The following EPHA5 variants were observed in gnomAD, a reference collection of about 807,000 sequenced individuals.
The protein encoded by EPHA5 is EPH receptor A5.
In EPHA5, 60 loss-of-function variants were observed where a neutral mutation model predicts 105.0. The observed-to-expected ratio is 0.57, with a 90% CI of 0.46 to 0.71. The LOEUF is 0.71. Ranked by LOEUF, EPHA5 falls within the 30% of genes least tolerant of loss-of-function variation. EPHA5 has a pLI of 0.00. For missense variants in EPHA5, 1,218 were observed against 1,274.7 expected (o/e 0.96, Z 0.68); for synonymous variants, 513 against 449.1 (o/e 1.14, Z -1.80).
In EPHA5 at chr4:65,320,014, C is replaced by A. The variant is rs1287120402; in HGVS notation, c.*4100G>T. 1 of 229,988 alleles carries A rather than the reference C, an allele frequency of 4.3e-6. No individual in the cohort carries two copies. Among genetic ancestry groups the A allele is most frequent in the African/African-American group, 2.2e-5 (1 of 45,128 alleles). The allele number at this position is 229,988 out of a possible 1,614,324, so 14.2% of individuals were successfully genotyped here. A position where few individuals can be genotyped will look rare whatever the true frequency, so the allele number is the denominator to read the frequency against. The stretch of plus-strand genomic sequence containing the variant: ...TCCATTAACGTTTAGAAGAAACAAA[C>A]AACATTTGATTCTGATTATTATAAA... On this transcript the variant is annotated 3_prime_UTR_variant, in exon 17 of 17. Coordinates refer to ENST00000613740, the MANE Select transcript of EPHA5 (RefSeq NM_001281766.3).
rs1173833479 is a variant in EPHA5, at chr4:65,365,950, C to A, written c.1969G>T (p.Glu657Ter). 6.2e-7 allele frequency: 1 copy of A among 1,608,064 alleles called. No individual in the cohort carries two copies. The highest frequency in any genetic ancestry group is 8.5e-7 in the Non-Finnish European group (1 of 1,175,800). ...GTCGTACCTGCTCCAATAACTCTCT[C>A]AATGGTGATACATGATGCTTCTATC... ...KEIEASCITI[E>*]RVIGAGEFGE... Residue 657 changes from glutamate to a stop codon, truncating the protein, a stop_gained, in exon 10 of 17, where the codon GAG becomes TAG. Transcript: ENST00000613740. LOFTEE classifies it high-confidence loss of function.
At position 65,533,324 on chromosome 4, in the gene EPHA5, A is replaced by C. The variant is rs962075926; in HGVS notation, c.911-37781T>G. On this transcript the variant is annotated intron_variant, in intron 3 of 16. Coordinates refer to ENST00000613740, the MANE Select transcript of EPHA5 (RefSeq NM_001281766.3). ...ACTTCTACATAGAATGCTGAAATTT[A>C]TAAAACCATTTTTTTGTGCCATGAC... Among the ~76,000 whole-genome samples, 5 of 152,150 alleles carry C rather than the reference A, an allele frequency of 3.3e-5. No homozygotes were observed. In the East Asian group the frequency reaches 9.6e-4, roughly 29 times the overall value.
intron 4 of EPHA5, among the ~76,000 whole-genome samples, chr4:65,492,869 T>A (rs1029966314): frequency 2.0e-5 from 3 of 152,178 alleles, no homozygotes; most frequent in African/African-American, 7.2e-5. Context: ...TACTATAAAC[T>A]TTAGCTTATT....
At chr4:65,421,519 C>T (rs914500947) in intron 5 of EPHA5, among the ~76,000 whole-genome samples, 16 of 152,068 alleles carry the variant, frequency 1.1e-4, no homozygotes, top group Non-Finnish European at 2.1e-4. Flanking sequence ...ATGAATTATG[C>T]TCAATTTCCC....
chr4:65,502,556 T>A (rs1039532610), intron 3 of EPHA5, among the ~76,000 whole-genome samples: 2 of 151,882 alleles, frequency 1.3e-5, no homozygotes, highest in Non-Finnish European at 2.9e-5. Flanking sequence ...AGATACCATC[T>A]CACAATAGTC....
At chr4:65,404,769 T>C (rs1722198132) in intron 7 of EPHA5, among the ~76,000 whole-genome samples, 1 of 152,168 alleles carries the variant, frequency 6.6e-6, no homozygotes, top group Non-Finnish European at 1.5e-5. Context: ...CTAGGGGCCT[T>C]AGGTCTGTGA....
At chr4:65,597,106 T>A (rs888166272) in intron 3 of EPHA5, among the ~76,000 whole-genome samples, 3 of 152,202 alleles carry the variant, frequency 2.0e-5, no homozygotes, top group Non-Finnish European at 4.4e-5. Context: ...AAGTACTTTT[T>A]CTCCACAGCC....
chr4:65,494,178 T>C (rs932020306), intron 4 of EPHA5, among the ~76,000 whole-genome samples: 1 of 152,218 alleles, frequency 6.6e-6, no homozygotes, highest in Non-Finnish European at 1.5e-5. Flanking sequence ...GATAAAAGAA[T>C]GGTCTTCAGA....
intron 2 of EPHA5, among the ~76,000 whole-genome samples, chr4:65,625,187 T>C (rs1212797184): frequency 6.6e-6 from 1 of 152,058 alleles, no homozygotes; most frequent in East Asian, 1.9e-4. Context: ...TATAAAAATA[T>C]AGAGAGCTAT....
chr4:65,626,178 A>AT (rs1255384852), intron 2 of EPHA5, among the ~76,000 whole-genome samples: 57 of 152,222 alleles, frequency 3.7e-4, no homozygotes, highest in Admixed American at 8.5e-4. Context: ...TTGAGTAACA[A>AT]TTTTATATTT....
chr4:65,573,345 A>G, intron 3 of EPHA5: 1 of 601,668 alleles, frequency 1.7e-6, no homozygotes. Flanking sequence ...CGGGAGGCAG[A>G]GCTTGCAATG....
chr4:65,616,687 T>C (rs1276544096), intron 2 of EPHA5, among the ~76,000 whole-genome samples: 1 of 152,044 alleles, frequency 6.6e-6, no homozygotes, highest in African/African-American at 2.4e-5. Context: ...ATGGAGTAAA[T>C]GAAGCCTCTT....
At chr4:65,342,728 T>C (rs951927856) in intron 14 of EPHA5, among the ~76,000 whole-genome samples, 1 of 151,668 alleles carries the variant, frequency 6.6e-6, no homozygotes, top group African/African-American at 2.4e-5. Flanking sequence ...AAAAGGAATA[T>C]GTATATGAGC....
intron 5 of EPHA5, among the ~76,000 whole-genome samples, chr4:65,446,970 A>G (rs1217108311): frequency 1.3e-5 from 2 of 148,608 alleles, no homozygotes; most frequent in East Asian, 3.9e-4. Context: ...CGTTTTTAAA[A>G]GCTCATTTTT....
chr4:65,579,358 G>GTA (rs71657189), intron 3 of EPHA5, among the ~76,000 whole-genome samples: 45,330 of 142,564 alleles, frequency 0.32, 7,387 homozygotes, highest in Middle Eastern at 0.42. Flanking sequence ...ATGTATGTGT[G>GTA]TATATATATA....
chr4:65,605,039 A>G (rs568229754), intron 2 of EPHA5, among the ~76,000 whole-genome samples: 2 of 152,190 alleles, frequency 1.3e-5, no homozygotes, highest in Non-Finnish European at 2.9e-5. Context: ...CAATTATTCA[A>G]TGCCATCCCC....
intron 8 of EPHA5, among the ~76,000 whole-genome samples, chr4:65,368,145 C>G (rs1044173747): frequency 6.6e-6 from 1 of 152,186 alleles, no homozygotes; most frequent in African/African-American, 2.4e-5. Context: ...TCCCTCACTA[C>G]TTTTCTGATG....
At chr4:65,377,738 T>C (rs183783261) in intron 8 of EPHA5, among the ~76,000 whole-genome samples, 2 of 152,122 alleles carry the variant, frequency 1.3e-5, no homozygotes, top group Admixed American at 1.3e-4. Flanking sequence ...TTCTTTTAAT[T>C]TGTCCACATA....
chr4:65,331,574 T>C (rs762532900), intron 16 of EPHA5: 7 of 1,059,320 alleles, frequency 6.6e-6, no homozygotes, highest in Non-Finnish European at 6.9e-6. Context: ...AATGTACAAA[T>C]ATGTTTGGTC....
Sources: allele counts gnomAD v4.1 joint callset (sites outside exome capture counted in the v4.1 genomes callset), GRCh38; gene constraint gnomAD v4.1.1; transcripts MANE v1.5; gene names NCBI Gene and HGNC (gene_info 2026-07-23, HGNC 2026-07-21).